The following BEAN1 variants were observed in gnomAD, a reference collection of about 807,000 sequenced individuals.
BEAN1 encodes brain expressed associated with NEDD4 1.
In BEAN1, 17 loss-of-function variants were observed where a neutral mutation model predicts 17.7. The observed-to-expected ratio is 0.96, with a 90% CI of 0.66 to 1.44. BEAN1 has a LOEUF of 1.44. Among genes scored for constraint, BEAN1 ranks in the 40% most tolerant of loss-of-function variants. BEAN1 has a pLI of 0.00. For missense variants in BEAN1, 359 were observed against 374.1 expected, an observed-to-expected ratio of 0.96 and a Z score of 0.33; for synonymous variants, 142 against 151.8, an observed-to-expected ratio of 0.94 and a Z score of 0.47.
intron 2 of BEAN1, among the ~76,000 whole-genome samples, chr16:66,445,634 G>A (rs900511956): frequency 5.9e-5 from 9 of 152,120 alleles, no homozygotes; most frequent in Non-Finnish European, 1.3e-4. Flanking sequence ...TCCAGGCAGA[G>A]GATTCTGAAT....
chr16:66,469,553 G>C (rs1479226565), intron 2 of BEAN1, 49 bp from the exon 3 acceptor site: 1 of 1,487,812 alleles, frequency 6.7e-7, no homozygotes, highest in Admixed American at 2.0e-5. Flanking sequence ...GAAGGAAGGG[G>C]TGTGGCAGGC....
intron 1 of BEAN1, among the ~76,000 whole-genome samples, 171 bp from the exon 2 acceptor site, chr16:66,437,424 T>C (rs1962070106): frequency 6.6e-6 from 1 of 151,936 alleles, no homozygotes; most frequent in South Asian, 2.1e-4. Context: ...CTCTCCCCAT[T>C]CTACAGCCCA....
At chr16:66,475,154 C>A (rs1963684498) in intron 3 of BEAN1, among the ~76,000 whole-genome samples, 1 of 152,122 alleles carries the variant, frequency 6.6e-6, no homozygotes. Context: ...TGGATCTGTG[C>A]CGACAGGGAA....
At chr16:66,468,021 T>C (rs1340931759) in intron 2 of BEAN1, among the ~76,000 whole-genome samples, 1 of 152,216 alleles carries the variant, frequency 6.6e-6, no homozygotes. Context: ...CGATCACAGC[T>C]GAGTGTCAAG....
intron 2 of BEAN1, among the ~76,000 whole-genome samples, chr16:66,460,406 T>G (rs1213812146): frequency 1.3e-5 from 2 of 152,232 alleles, no homozygotes; most frequent in African/African-American, 4.8e-5. Context: ...ATCATTGTTC[T>G]TCCTCAGTAA....
chr16:66,446,585 T>C (rs1391918298), intron 2 of BEAN1, among the ~76,000 whole-genome samples: 2 of 151,914 alleles, frequency 1.3e-5, no homozygotes, highest in South Asian at 4.2e-4. Flanking sequence ...GGACTGTCAG[T>C]GTGTGAATGC....
chr16:66,448,584 G>A (rs1333281007), intron 2 of BEAN1, among the ~76,000 whole-genome samples: 1 of 152,210 alleles, frequency 6.6e-6, no homozygotes, highest in Middle Eastern at 3.2e-3. Context: ...CACTTTGGGA[G>A]GCTGAGGCAG....
At chr16:66,439,992 C>T (rs1962187387) in intron 2 of BEAN1, among the ~76,000 whole-genome samples, 1 of 152,310 alleles carries the variant, frequency 6.6e-6, no homozygotes. Flanking sequence ...CCTTCCAGCA[C>T]CCACAATCAG....
In BEAN1 at chr16:66,471,258, C is replaced by T. The variant is rs1187033384; in HGVS notation, c.289+1393C>T. ...CTGATGGGTAGCTGGAGCTGGTGAA[C>T]AGGAGCCTGGGTAGTAATGGCCAGT... On this transcript the variant is annotated intron_variant, in intron 3 of 4. Transcript: ENST00000536005. This position sits in a 1 kb window ranked among gnomAD's most constrained non-coding sequence, Gnocchi z 4.7. Among the ~76,000 whole-genome samples, 1 of 152,148 alleles carries T rather than the reference C, an allele frequency of 6.6e-6. No homozygotes were observed. Among genetic ancestry groups the T allele is most frequent in the African/African-American group, 2.4e-5 (1 of 41,440 alleles).
chr16:66,432,505 A>G (rs2142370414), intron 1 of BEAN1, among the ~76,000 whole-genome samples: 1 of 152,334 alleles, frequency 6.6e-6, no homozygotes, highest in East Asian at 1.9e-4. Flanking sequence ...GCTCTAGACA[A>G]TCACATGCAC....
intron 2 of BEAN1, among the ~76,000 whole-genome samples, chr16:66,467,593 G>A (rs12445285): frequency 0.26 from 39,157 of 152,106 alleles, 6,308 homozygotes; most frequent in Non-Finnish European, 0.35. Context: ...GGTGAGATTT[G>A]GATGGGGACA....
chr16:66,462,145 G>T (rs1259927166), intron 2 of BEAN1, among the ~76,000 whole-genome samples: 1 of 152,174 alleles, frequency 6.6e-6, no homozygotes, highest in African/African-American at 2.4e-5. Context: ...CACCAGACAA[G>T]GACTAGATTT....
At chr16:66,454,211 C>T (rs1344402348) in intron 2 of BEAN1, among the ~76,000 whole-genome samples, 9 of 152,274 alleles carry the variant, frequency 5.9e-5, no homozygotes, top group South Asian at 4.1e-4. Flanking sequence ...GAAAAGAATG[C>T]GTAATCTTCA....
chr16:66,458,252 C>G (rs934695884), intron 2 of BEAN1, among the ~76,000 whole-genome samples: 1 of 152,184 alleles, frequency 6.6e-6, no homozygotes, highest in Non-Finnish European at 1.5e-5. Context: ...TGAACCCAGA[C>G]AGAATGACTG....
intron 2 of BEAN1, among the ~76,000 whole-genome samples, chr16:66,443,564 G>C (rs1962336618): frequency 6.6e-6 from 1 of 152,166 alleles, no homozygotes; most frequent in Non-Finnish European, 1.5e-5. Context: ...GGACTTCATG[G>C]CCCCTGAACA....
At position 66,473,686 on chromosome 16, in the gene BEAN1, G is replaced by A. The variant is rs1350601143; in HGVS notation, c.289+3821G>A. On this transcript the variant is annotated intron_variant, in intron 3 of 4. Transcript: ENST00000536005. The surrounding 1 kb of genome is among the most constrained non-coding windows in gnomAD (Gnocchi z 4.5). The stretch of plus-strand genomic sequence containing the variant: ...CACTCCAGCCTGAGCAACAGAGCAA[G>A]ACCCTGTCTCTAAATAAATAAATAA... 6.6e-6 allele frequency among the ~76,000 whole-genome samples: 1 copy of A among 152,002 alleles called. No homozygotes were observed. Among genetic ancestry groups the A allele is most frequent in the Non-Finnish European group, 1.5e-5 (1 of 67,992 alleles).
downstream of BEAN1, among the ~76,000 whole-genome samples, chr16:66,494,336 G>C (rs1964218093): frequency 6.6e-6 from 1 of 152,166 alleles, no homozygotes; most frequent in African/African-American, 2.4e-5. Flanking sequence ...TCGATGGCTT[G>C]TGTGACCTTG....
chr16:66,468,809 T>C (rs1231380398), intron 2 of BEAN1, among the ~76,000 whole-genome samples: 1 of 152,040 alleles, frequency 6.6e-6, no homozygotes, highest in Non-Finnish European at 1.5e-5. Context: ...GGACCCCAGC[T>C]CCCAAGGCCC....
intron 2 of BEAN1, among the ~76,000 whole-genome samples, chr16:66,449,398 G>A (rs1327465817): frequency 4.6e-5 from 7 of 151,970 alleles, no homozygotes; most frequent in Non-Finnish European, 8.8e-5. Context: ...ACCTGAGATC[G>A]GGAGTTCGAG....
Sources: gnomAD v4.1 joint callset for allele counts (sites outside exome capture counted in the v4.1 genomes callset) on GRCh38, gnomAD v4.1.1 for gene constraint, Gnocchi (gnomAD v3.1) non-coding constraint, MANE v1.5 for transcripts, NCBI Gene and HGNC (gene_info 2026-07-23, HGNC 2026-07-21) for gene names.